Variants in DLGAP2 observed in about 807,000 individuals in gnomAD.
The protein encoded by DLGAP2 is disks large-associated protein 2.
DLGAP2 carries 26 observed loss-of-function variants against 100.3 expected under a neutral mutation model. The observed-to-expected ratio is 0.26, with a 90% CI of 0.19 to 0.36. The LOEUF (loss-of-function observed/expected upper bound fraction) is 0.36. Ranked by LOEUF, DLGAP2 falls within the 10% of genes least tolerant of loss-of-function variation. The pLI is 1.00. For synonymous variants in DLGAP2, 886 were observed against 630.1 expected (o/e 1.41, Z -6.08); for missense variants, 1,858 against 1,453.2 (o/e 1.28, Z -4.53).
chr8:988,417 T>G (rs1182182762), intron 2 of DLGAP2, among the ~76,000 whole-genome samples: 1 of 152,206 alleles, frequency 6.6e-6, no homozygotes. Context: ...AATTCTCTTA[T>G]TACCTGCCCA....
chr8:1,498,120 T>C (rs770633373), intron 3 of DLGAP2, among the ~76,000 whole-genome samples: 1 of 152,144 alleles, frequency 6.6e-6, no homozygotes, highest in Non-Finnish European at 1.5e-5. Context: ...CGATTGGCCA[T>C]TGGTTGAAAG....
intron 1 of DLGAP2, among the ~76,000 whole-genome samples, chr8:794,978 C>G (rs7461226): frequency 0.99 from 150,142 of 152,320 alleles, 74,036 homozygotes; most frequent in Middle Eastern, 1. Flanking sequence ...GGTGACCTTA[C>G]CTGATAGGGA....
At chr8:908,219 C>T (rs959575332) in intron 2 of DLGAP2, among the ~76,000 whole-genome samples, 3 of 152,100 alleles carry the variant, frequency 2.0e-5, no homozygotes, top group African/African-American at 7.2e-5. Context: ...GATTGTTGTC[C>T]TGGGTTTTTA....
At chr8:1,055,271 A>C (rs971210951) in intron 2 of DLGAP2, among the ~76,000 whole-genome samples, 1 of 152,226 alleles carries the variant, frequency 6.6e-6, no homozygotes, top group Non-Finnish European at 1.5e-5. Flanking sequence ...TTCTTGAAAC[A>C]GAAGATGAGT....
intron 7 of DLGAP2, 42 bp downstream of exon 7, chr8:1,626,929 C>T (rs1301425006): frequency 1.3e-6 from 2 of 1,554,236 alleles, no homozygotes; most frequent in Non-Finnish European, 1.7e-6. Flanking sequence ...TCCAGTCTCC[C>T]CAGCCAGGCT....
intron 2 of DLGAP2, among the ~76,000 whole-genome samples, chr8:1,232,146 C>T (rs1157466242): frequency 6.6e-6 from 1 of 152,190 alleles, no homozygotes; most frequent in African/African-American, 2.4e-5. Context: ...GCACTGTCCC[C>T]TTCACGACTG....
At chr8:1,556,094 C>T (rs1248991676) in intron 5 of DLGAP2, among the ~76,000 whole-genome samples, 1 of 152,232 alleles carries the variant, frequency 6.6e-6, no homozygotes, top group African/African-American at 2.4e-5. Flanking sequence ...GTGCAGAAAC[C>T]TTGTGACCTG....
chr8:1,174,503 A>G (rs977079155), intron 2 of DLGAP2, among the ~76,000 whole-genome samples: 7 of 152,004 alleles, frequency 4.6e-5, no homozygotes, highest in African/African-American at 9.7e-5. Flanking sequence ...TACCATCATC[A>G]AAGTCATTAT....
intron 3 of DLGAP2, among the ~76,000 whole-genome samples, chr8:1,356,019 T>C (rs4876219): frequency 0.94 from 143,819 of 152,358 alleles, 67,960 homozygotes; most frequent in East Asian, 1. Flanking sequence ...CCTCCCTGCC[T>C]TGCATGATCG....
intron 2 of DLGAP2, among the ~76,000 whole-genome samples, chr8:1,196,225 T>A (rs17669047): frequency 6.6e-6 from 1 of 152,238 alleles, no homozygotes. Flanking sequence ...TCAATTCTTT[T>A]AGAAGTAGGC....
rs565139315 is a variant in DLGAP2, at chr8:1,146,638, C to T, written c.74-112213C>T. Among the ~76,000 whole-genome samples the T allele has an allele frequency of 1.8e-4, 28 of 151,838 alleles. No homozygotes were observed. In the East Asian group the frequency reaches 2.7e-3, roughly 15 times the overall value. ...GCACGTGTGTGCATGCATGTGTGTG[C>T]ATGTGAGTGTGTGCATGCACGTGTG... On this transcript the variant is annotated intron_variant, in intron 2 of 14. Transcript: ENST00000637795.
chr8:1,267,375 G>A (rs1585207924), intron 3 of DLGAP2, among the ~76,000 whole-genome samples: 1 of 151,184 alleles, frequency 6.6e-6, no homozygotes, highest in African/African-American at 2.4e-5. Flanking sequence ...AGACCAGTCT[G>A]ACCAACATGG....
At chr8:979,832 C>T (rs1310915864) in intron 2 of DLGAP2, among the ~76,000 whole-genome samples, 1 of 152,220 alleles carries the variant, frequency 6.6e-6, no homozygotes, top group African/African-American at 2.4e-5. Flanking sequence ...AGAAGGGAAA[C>T]ATTTGCAGTC....
intron 2 of DLGAP2, among the ~76,000 whole-genome samples, chr8:1,257,343 C>T (rs1277325565): frequency 6.6e-6 from 1 of 152,066 alleles, no homozygotes; most frequent in Admixed American, 6.5e-5. Context: ...CTTGTTGCCT[C>T]CTAACTTTTA....
At chr8:1,018,763 C>T (rs1030133984) in intron 2 of DLGAP2, 4 of 152,204 alleles carry the variant, frequency 2.6e-5, no homozygotes, top group African/African-American at 7.2e-5. Context: ...CACATTTCAG[C>T]AGTCACTTTA....
chr8:1,422,801 G>C (rs1797134326), intron 3 of DLGAP2, among the ~76,000 whole-genome samples: 1 of 152,182 alleles, frequency 6.6e-6, no homozygotes, highest in East Asian at 1.9e-4. Flanking sequence ...GGGCATGGGA[G>C]TGTTTCATCC....
chr8:906,660 C>T (rs914696602), intron 1 of DLGAP2, among the ~76,000 whole-genome samples: 7 of 152,162 alleles, frequency 4.6e-5, no homozygotes, highest in Admixed American at 2.6e-4. Flanking sequence ...CCACGTGGCA[C>T]GGGGCCAGCA....
chr8:1,019,755 C>G (rs546727602), intron 2 of DLGAP2: 38 of 152,320 alleles, frequency 2.5e-4, no homozygotes, highest in African/African-American at 8.9e-4. Flanking sequence ...GTACCCACTT[C>G]TGCCCTCCCG....
chr8:1,020,844 A>C (rs1020393561), intron 2 of DLGAP2, among the ~76,000 whole-genome samples: 3 of 152,140 alleles, frequency 2.0e-5, no homozygotes, highest in Non-Finnish European at 4.4e-5. Flanking sequence ...CAGTCTTGGG[A>C]TTCCTACAAG....
Sources: gnomAD v4.1 joint callset for allele counts (sites outside exome capture counted in the v4.1 genomes callset) on GRCh38, gnomAD v4.1.1 for gene constraint, MANE v1.5 for transcripts, NCBI Gene and HGNC (gene_info 2026-07-23, HGNC 2026-07-21) for gene names.